Variants in MROH1 observed in about 807,000 individuals in gnomAD.
The protein encoded by MROH1 is maestro heat like repeat family member 1, also known as maestro heat-like repeat-containing protein family member 1.
Under a neutral mutation model 116.5 loss-of-function variants are expected in MROH1, and 117 were observed. The ratio of observed to expected loss-of-function variants is 1.00; its 90% CI spans 0.86 to 1.17. The LOEUF is 1.17. Ranked by LOEUF, MROH1 falls within the 50% of genes most tolerant of loss-of-function variation. The probability of loss-of-function intolerance (pLI) is 0.00; values close to 1 mark genes in which losing one functional copy is unlikely to be tolerated. For missense variants in MROH1, 1,873 were observed against 1,338.5 expected (o/e 1.40, Z -6.23); for synonymous variants, 921 against 583.9 (o/e 1.58, Z -8.32).
At chr8:144,179,141 G>C (rs1451429017) in intron 4 of MROH1, among the ~76,000 whole-genome samples, 1 of 152,042 alleles carries the variant, frequency 6.6e-6, no homozygotes, top group East Asian at 1.9e-4. Flanking sequence ...GCAAGGAGGT[G>C]GAAGGGTCCT....
chr8:144,261,681 G>GC lies in MROH1; in HGVS notation c.4872dup (p.Glu1625ArgfsTer8). ...GCTCCAGATCCTGCTGAAGGACCCGGCCCCCGAGGTGCGGACGAGGGCTGC... is the reference window on the plus strand; with the variant it reads ...GCTCCAGATCCTGCTGAAGGACCCGGCCCCCCGAGGTGCGGACGAGGGCTGC... On this transcript the variant is annotated frameshift_variant, in exon 44 of 44. Coordinates refer to ENST00000326134, the MANE Select transcript of MROH1 (RefSeq NM_032450.3). LOFTEE classifies it high-confidence loss of function. The GC allele has an allele frequency of 2.7e-6, 2 of 727,306 alleles. No homozygotes were observed. The highest frequency in any genetic ancestry group is 5.0e-6 in the Non-Finnish European group (2 of 399,734). 45.1% of individuals were successfully genotyped at this position (727,306 alleles called of 1,614,324 possible).
chr8:144,205,867 C>G (rs909354798), intron 12 of MROH1, among the ~76,000 whole-genome samples: 37 of 152,118 alleles, frequency 2.4e-4, no homozygotes, highest in African/African-American at 8.7e-4. Flanking sequence ...TAAAATTGAA[C>G]ATAATCTTCA....
At chr8:144,248,377 C>T (rs1461893350) in intron 31 of MROH1, among the ~76,000 whole-genome samples, 5 of 152,156 alleles carry the variant, frequency 3.3e-5, no homozygotes, top group East Asian at 3.8e-4. Context: ...GGTCCCCAAG[C>T]TGGAACACGG....
chr8:144,238,830 C>T lies in MROH1; in HGVS notation c.1413C>T (p.Tyr471=), dbSNP rs893496555. ...SVRAISVRTL[Y]LVSTTVDRMS... The stretch of plus-strand genomic sequence containing the variant: ...GGGCCATCAGCGTGCGCACCCTCTA[C>T]CTGGTCAGCACCACCGTGGACAGGA... The change falls in exon 15 of 44, where the codon TAC becomes TAT. Residue 471 remains tyrosine (Y), a synonymous_variant. Transcript: ENST00000326134. 44 of 774,942 alleles carry T rather than the reference C, an allele frequency of 5.7e-5. 4 individuals carry two copies. The highest frequency in any genetic ancestry group is 4.2e-4 in the Admixed American group (25 of 59,022). 48.0% of individuals were successfully genotyped at this position (774,942 alleles called of 1,614,324 possible).
At position 144,191,028 on chromosome 8, in the gene MROH1, G is replaced by T. The variant is rs141021153; in HGVS notation, c.714+93G>T. ...GTGGCAAATTGATCAGAGGGTGGTG[G>T]TGTTGCATTGGCAAGCAGAGGTGCC... On this transcript the variant is annotated intron_variant, in intron 8 of 43. Coordinates refer to ENST00000326134, the MANE Select transcript of MROH1 (RefSeq NM_032450.3). 253 of 1,428,968 alleles carry T rather than the reference G, an allele frequency of 1.8e-4. No homozygotes were observed. In the African/African-American group the frequency reaches 3.3e-3, roughly 19 times the overall value. 88.5% of individuals were successfully genotyped at this position (1,428,968 alleles called of 1,614,324 possible).
At chr8:144,162,952 AC>A (rs1484505293) in intron 2 of MROH1, among the ~76,000 whole-genome samples, 1 of 150,736 alleles carries the variant, frequency 6.6e-6, no homozygotes, top group East Asian at 2.0e-4. Context: ...CGAACTCCTG[AC>A]CTCAAACAAT....
rs182349696 is a variant in MROH1 at position 144,194,864 on chromosome 8, T to C, written c.948+2463T>C. Among the ~76,000 whole-genome samples, 1,207 of 150,886 alleles carry C rather than the reference T, an allele frequency of 8.0e-3. 11 individuals are homozygous for C. The highest frequency in any genetic ancestry group is 0.013 in the Non-Finnish European group (864 of 67,690). On this transcript the variant is annotated intron_variant, in intron 10 of 43. Transcript: ENST00000326134. ...TTGAGGCTGCAGTGAGCCATGATCA[T>C]GCCACTGTACTCCAGCCTGGGTGAC...
At chr8:144,223,331 G>C in intron 14 of MROH1, 101 bp downstream of exon 14, 1 of 1,437,298 alleles carries the variant, frequency 7.0e-7, no homozygotes, top group Non-Finnish European at 9.4e-7. Flanking sequence ...GGGTGGATAT[G>C]TGGGCTGCAG....
In MROH1 at chr8:144,258,881, C is replaced by T. The variant is rs1168175362; in HGVS notation, c.3896C>T (p.Ala1299Val). The T allele has an allele frequency of 1.2e-5, 9 of 764,402 alleles. No homozygotes were observed. Among genetic ancestry groups the T allele is most frequent in the Non-Finnish European group, 1.7e-5 (7 of 411,980 alleles). 47.4% of individuals were successfully genotyped at this position (764,402 alleles called of 1,614,324 possible). A position where few individuals can be genotyped will look rare whatever the true frequency, so the allele number is the denominator to read the frequency against. Reference protein sequence around the residue: ...EGGWELLRTSAGHEEGATRLA... With the variant: ...EGGWELLRTSVGHEEGATRLA... ...GGCTGGGAACTGCTCAGGACCTCGGCGGGGCATGAGGAGGGGGCCACCAGG... is the reference window on the plus strand; with the variant it reads ...GGCTGGGAACTGCTCAGGACCTCGGTGGGGCATGAGGAGGGGGCCACCAGG... Residue 1299 changes from alanine to valine, a missense_variant, in exon 36 of 44, where the codon GCG becomes GTG. Physicochemically the swap from Ala to Val is moderately conservative, Grantham distance 64 (BLOSUM62 0). Coordinates refer to ENST00000326134, the MANE Select transcript of MROH1 (RefSeq NM_032450.3).
chr8:144,229,103 C>G (rs1362718066), intron 14 of MROH1, among the ~76,000 whole-genome samples: 1 of 152,182 alleles, frequency 6.6e-6, no homozygotes, highest in Non-Finnish European at 1.5e-5. Flanking sequence ...CATCTTCAGG[C>G]TCCATTTCCA....
chr8:144,247,397 T>C lies in MROH1; in HGVS notation c.2968T>C (p.Cys990Arg), dbSNP rs972745616. 1 of 771,576 alleles carries C rather than the reference T, an allele frequency of 1.3e-6. No individual in the cohort carries two copies. The allele number at this position is 771,576 out of a possible 1,614,324, so 47.8% of individuals were successfully genotyped here. Residue 990 changes from cysteine to arginine, a missense_variant, in exon 30 of 44, where the codon TGT (cysteine) becomes CGT (arginine). Physicochemically the swap from Cys to Arg is radical, Grantham distance 180. Transcript: ENST00000326134. ...WPATRQEAVDCVYSLLYLQLG... is the reference protein window; with the variant it reads ...WPATRQEAVDRVYSLLYLQLG... ...TGCCACCCGCCAGGAGGCCGTGGAC[T>C]GTGTCTACTCCCTGCTGTACCTCCA...
chr8:144,226,193 G>A (rs2132505212), intron 14 of MROH1, among the ~76,000 whole-genome samples: 1 of 152,160 alleles, frequency 6.6e-6, no homozygotes, highest in South Asian at 2.1e-4. Context: ...GGGATTACAG[G>A]CATGAGCCAC....
Position 144,241,097 on chromosome 8 carries a change from G to A in MROH1, c.2041G>A (p.Glu681Lys). The A allele has an allele frequency of 6.5e-6, 5 of 769,820 alleles. No homozygotes were observed. Among genetic ancestry groups the A allele is most frequent in the South Asian group, 4.1e-5 (3 of 72,674 alleles). The allele number at this position is 769,820 out of a possible 1,614,324, so 47.7% of individuals were successfully genotyped here. The change falls in exon 21 of 44, where the codon GAG becomes AAG. Residue 681 changes from glutamate to lysine, a missense_variant. Coordinates refer to ENST00000326134, the MANE Select transcript of MROH1 (RefSeq NM_032450.3). ...GCTGGAGACGGCCAGATACCAGGAGGAGGCAGAACGCGAGGTGGGGCCGCT... is the reference window on the plus strand; with the variant it reads ...GCTGGAGACGGCCAGATACCAGGAGAAGGCAGAACGCGAGGTGGGGCCGCT... ...ELLETARYQEEAEREGLACCF... is the reference protein window; with the variant it reads ...ELLETARYQEKAEREGLACCF...
intron 12 of MROH1, among the ~76,000 whole-genome samples, chr8:144,217,683 A>T (rs1310083700): frequency 6.6e-6 from 1 of 152,184 alleles, no homozygotes; most frequent in Non-Finnish European, 1.5e-5. Context: ...GGCTCACTAC[A>T]GCCTCTGCCT....
At chr8:144,252,581 T>C (rs1477340739) in intron 33 of MROH1, 1 of 150,978 alleles carries the variant, frequency 6.6e-6, no homozygotes, top group Non-Finnish European at 1.5e-5. Context: ...GGCAGGAGAA[T>C]GGTGTGAACC....
chr8:144,168,780 G>A lies in MROH1; in HGVS notation c.168+340G>A, dbSNP rs180782545. On this transcript the variant is annotated intron_variant, in intron 4 of 43. Transcript: ENST00000326134. Reference sequence around the variant, plus strand: ...ATGGTCCCTGCCTGAGGGACAGAAGGTTGTTTCTGAGAGAATCTCATCAAC... The same window carrying A: ...ATGGTCCCTGCCTGAGGGACAGAAGATTGTTTCTGAGAGAATCTCATCAAC... 2.9e-4 allele frequency among the ~76,000 whole-genome samples: 44 copies of A among 152,322 alleles called. 1 individual carries two copies. In the East Asian group the frequency reaches 7.5e-3, roughly 26 times the overall value.
intron 35 of MROH1, among the ~76,000 whole-genome samples, chr8:144,258,164 C>T (rs1844261629): frequency 6.6e-6 from 1 of 152,212 alleles, no homozygotes; most frequent in Non-Finnish European, 1.5e-5. Flanking sequence ...CCAGGGAGAC[C>T]AGAGGGCAAG....
chr8:144,149,705 G>C (rs1024990042), intron 1 of MROH1, among the ~76,000 whole-genome samples: 1 of 152,148 alleles, frequency 6.6e-6, no homozygotes, highest in African/African-American at 2.4e-5. Flanking sequence ...GGCTCCCGTG[G>C]CTCTTGGGAG....
At position 144,260,235 on chromosome 8, in the gene MROH1, A is replaced by G. The variant is rs1844764202; in HGVS notation, c.4241A>G (p.Asp1414Gly). 1 of 765,872 alleles carries G rather than the reference A, an allele frequency of 1.3e-6. No homozygotes were observed. Among genetic ancestry groups the G allele is most frequent in the Non-Finnish European group, 2.4e-6 (1 of 417,582 alleles). 47.4% of individuals were successfully genotyped at this position (765,872 alleles called of 1,614,324 possible). Residue 1414 changes from aspartate to glycine, a missense_variant, in exon 39 of 44, where the codon GAC (aspartate) becomes GGC (glycine). By Grantham distance (94) the Asp-to-Gly change is moderately conservative. Coordinates refer to ENST00000326134, the MANE Select transcript of MROH1 (RefSeq NM_032450.3). Reference protein sequence around the residue: ...QLLTAMIGGLDDGDNPHSPVA... With the variant: ...QLLTAMIGGLGDGDNPHSPVA... ...CTCACAGCCATGATTGGCGGGCTGG[A>G]CGACGGGGACAACCCTCACAGCCCA...
Sources: allele counts gnomAD v4.1 joint callset (sites outside exome capture counted in the v4.1 genomes callset), GRCh38; gene constraint gnomAD v4.1.1; transcripts MANE v1.5; gene names NCBI Gene and HGNC (gene_info 2026-07-23, HGNC 2026-07-21).